Variants in MET observed in about 807,000 individuals in gnomAD.
The protein encoded by MET is MET proto-oncogene, receptor tyrosine kinase.
MET carries 48 observed loss-of-function variants against 133.1 expected under a neutral mutation model. That is an observed-to-expected ratio of 0.36 (90% CI 0.29 to 0.46). The LOEUF is 0.46. Ranked by LOEUF, MET falls within the 20% of genes least tolerant of loss-of-function variation. MET has a pLI of 1.00. For missense variants in MET, 1,442 were observed against 1,695.9 expected (o/e 0.85, Z 2.63); for synonymous variants, 628 against 616.5 (o/e 1.02, Z -0.28).
intron 1 of MET, among the ~76,000 whole-genome samples, chr7:116,677,969 T>TTCTCTCTCTCTCTCTCTGTC (rs993471987): frequency 1.1e-5 from 1 of 93,444 alleles, no homozygotes; most frequent in Non-Finnish European, 2.0e-5. Context: ...AATATTGTCT[T>TTCTCTCTCTCTCTCTCTGTC]TCTCTCTCTC....
chr7:116,732,941 A>T (rs2116791289), intron 3 of MET, among the ~76,000 whole-genome samples: 1 of 152,300 alleles, frequency 6.6e-6, no homozygotes, highest in East Asian at 1.9e-4. Flanking sequence ...TCCTAGCTCA[A>T]AACTAATCAT....
chr7:116,785,705 G>A (rs1275385094), intron 19 of MET, among the ~76,000 whole-genome samples: 1 of 152,232 alleles, frequency 6.6e-6, no homozygotes, highest in Non-Finnish European at 1.5e-5. Context: ...GAAGTGAGAA[G>A]TGGAACTTGA....
Position 116,676,467 on chromosome 7 carries a change from A to G in MET, c.-15+3890A>G, listed in dbSNP as rs549989941. 2.0e-5 allele frequency among the ~76,000 whole-genome samples: 3 copies of G among 152,372 alleles called. No individual in the cohort carries two copies. In the East Asian group the frequency reaches 5.8e-4, roughly 29 times the overall value. Reference sequence around the variant, plus strand: ...CTAAAATCTGGCATTTCCACAGAGTATAAAACAGATGAAAACCTCTAACCT... The same window carrying G: ...CTAAAATCTGGCATTTCCACAGAGTGTAAAACAGATGAAAACCTCTAACCT... On this transcript the variant is annotated intron_variant, in intron 1 of 20. Transcript: ENST00000397752.
intron 11 of MET, among the ~76,000 whole-genome samples, chr7:116,766,618 G>C (rs918928864): frequency 6.6e-6 from 1 of 152,090 alleles, no homozygotes; most frequent in Admixed American, 6.5e-5. Flanking sequence ...AAAGTGAAGG[G>C]TTCTTTTTTC....
chr7:116,759,238 G>A, intron 9 of MET, 153 bp from the exon 10 acceptor site: 2 of 1,094,466 alleles, frequency 1.8e-6, no homozygotes, highest in Non-Finnish European at 1.3e-6. Context: ...TAAATAAGTT[G>A]TTTCCAAAGA....
At chr7:116,676,991 T>G (rs1320741403) in intron 1 of MET, among the ~76,000 whole-genome samples, 4 of 151,606 alleles carry the variant, frequency 2.6e-5, no homozygotes, top group Non-Finnish European at 5.9e-5. Flanking sequence ...TTGTTTTGTT[T>G]TTTTTTTTGT....
intron 1 of MET, among the ~76,000 whole-genome samples, chr7:116,679,925 T>C (rs999914600): frequency 5.3e-5 from 8 of 152,340 alleles, no homozygotes; most frequent in Non-Finnish European, 1.2e-4. Flanking sequence ...TAAACTATCA[T>C]GCTAAAATAT....
chr7:116,750,273 C>T (rs1471715092), intron 5 of MET, among the ~76,000 whole-genome samples: 1 of 152,130 alleles, frequency 6.6e-6, no homozygotes, highest in Non-Finnish European at 1.5e-5. Context: ...TCAGAAATAA[C>T]ACCACGCATT....
At position 116,777,287 on chromosome 7, in the gene MET, A is replaced by G. The variant is rs957635634; in HGVS notation, c.3260-102A>G. 8.0e-6 allele frequency: 8 copies of G among 997,606 alleles called. No homozygotes were observed. The African/African-American group carries it at 1.1e-4, about 14-fold the overall frequency. The allele number at this position is 997,606 out of a possible 1,614,324, so 61.8% of individuals were successfully genotyped here. A position where few individuals can be genotyped will look rare whatever the true frequency, so the allele number is the denominator to read the frequency against. On this transcript the variant is annotated intron_variant, in intron 15 of 20. Coordinates refer to ENST00000397752, the MANE Select transcript of MET (RefSeq NM_000245.4). ...TTTTAAATGTACTCTTTTGCTGTAT[A>G]GAAAGAAGAAAGAATAAAATGAAGC...
chr7:116,760,889 T>G (rs1794375495), intron 10 of MET, among the ~76,000 whole-genome samples: 1 of 152,104 alleles, frequency 6.6e-6, no homozygotes, highest in South Asian at 2.1e-4. Flanking sequence ...AAAGTTAGAG[T>G]ACCACTGCTA....
At chr7:116,786,355 G>A (rs1422791220) in intron 19 of MET, among the ~76,000 whole-genome samples, 1 of 152,210 alleles carries the variant, frequency 6.6e-6, no homozygotes, top group Non-Finnish European at 1.5e-5. Context: ...ACACAATTCA[G>A]TCCATAGCAG....
rs536040237 is a variant in MET, at chr7:116,694,218, C to A, written c.-14-4853C>A. On this transcript the variant is annotated intron_variant, in intron 1 of 20. Transcript: ENST00000397752. Reference sequence around the variant, plus strand: ...CACACCTTTGTTAATGGGGAAGGGCCTTTATTAATGGGAATGATCAAGGAA... The same window carrying A: ...CACACCTTTGTTAATGGGGAAGGGCATTTATTAATGGGAATGATCAAGGAA... Among the ~76,000 whole-genome samples, 15 of 152,150 alleles carry A rather than the reference C, an allele frequency of 9.9e-5. No individual in the cohort carries two copies. In the South Asian group the frequency reaches 3.1e-3, roughly 32 times the overall value.
intron 2 of MET, among the ~76,000 whole-genome samples, chr7:116,712,796 G>A (rs1175558648): frequency 1.3e-5 from 2 of 152,002 alleles, no homozygotes; most frequent in East Asian, 3.9e-4. Context: ...GATTAAGATA[G>A]GGAGGGTGAA....
intron 1 of MET, among the ~76,000 whole-genome samples, chr7:116,681,196 G>A (rs1411313532): frequency 1.3e-5 from 2 of 152,128 alleles, no homozygotes; most frequent in Non-Finnish European, 2.9e-5. Flanking sequence ...TGTCACAGAA[G>A]CAGAGAAAGC....
At chr7:116,682,863 A>G (rs1796412664) in intron 1 of MET, among the ~76,000 whole-genome samples, 1 of 152,164 alleles carries the variant, frequency 6.6e-6, no homozygotes, top group African/African-American at 2.4e-5. Context: ...TATTCTCAGT[A>G]TAAGATCTTT....
At chr7:116,680,150 G>A (rs902580518) in intron 1 of MET, among the ~76,000 whole-genome samples, 1 of 152,130 alleles carries the variant, frequency 6.6e-6, no homozygotes, top group Non-Finnish European at 1.5e-5. Flanking sequence ...AGGTTAACCT[G>A]AAGATTTACT....
intron 17 of MET, 141 bp from the exon 18 acceptor site, chr7:116,781,847 G>T: frequency 1.5e-6 from 1 of 659,820 alleles, no homozygotes; most frequent in Non-Finnish European, 2.7e-6. Flanking sequence ...CAAAGTTCTG[G>T]GATTACAGGC....
chr7:116,741,195 T>C, intron 5 of MET, 170 bp downstream of exon 5: 1 of 768,316 alleles, frequency 1.3e-6, no homozygotes. Flanking sequence ...GCACCATCTC[T>C]CTCTTGGCTT....
chr7:116,768,560 G>GTATT (rs1379633658), intron 11 of MET, among the ~76,000 whole-genome samples: 1 of 152,164 alleles, frequency 6.6e-6, no homozygotes, highest in African/African-American at 2.4e-5. Context: ...TTATAAAGAA[G>GTATT]TATTTTCTTC....
Sources: gnomAD v4.1 joint callset for allele counts (sites outside exome capture counted in the v4.1 genomes callset) on GRCh38, gnomAD v4.1.1 for gene constraint, MANE v1.5 for transcripts, NCBI Gene and HGNC (gene_info 2026-07-23, HGNC 2026-07-21) for gene names.